The following ACO1 variants were observed in gnomAD, a reference collection of about 807,000 sequenced individuals.
ACO1 encodes cytoplasmic aconitate hydratase.
In ACO1, 78 loss-of-function variants were observed where a neutral mutation model predicts 105.1. The observed-to-expected ratio is 0.74, with a 90% confidence interval of 0.62 to 0.90. The LOEUF (loss-of-function observed/expected upper bound fraction) is 0.90. ACO1 is among the 40% of genes least tolerant of loss of function. The probability of loss-of-function intolerance (pLI) is 0.00; values close to 1 mark genes in which losing one functional copy is unlikely to be tolerated. For missense variants in ACO1, 965 were observed against 1,111.1 expected, an observed-to-expected ratio of 0.87 and a Z score of 1.87; for synonymous variants, 364 against 397.4, an observed-to-expected ratio of 0.92 and a Z score of 1.00.
chr9:32,431,657 C>G (rs929881277), intron 14 of ACO1, 62 bp from the exon 15 acceptor site: 2 of 1,586,286 alleles, frequency 1.3e-6, no homozygotes, highest in African/African-American at 2.7e-5. Flanking sequence ...AGGCTTGACT[C>G]TGTATAATCA....
intron 1 of ACO1, among the ~76,000 whole-genome samples, chr9:32,384,942 G>C (rs935375343): frequency 6.6e-6 from 1 of 152,232 alleles, no homozygotes; most frequent in Admixed American, 6.5e-5. Context: ...TCTATGTCAT[G>C]CCGGGGAGAG....
intron 1 of ACO1, among the ~76,000 whole-genome samples, chr9:32,396,784 C>T (rs983914085): frequency 6.6e-5 from 10 of 152,146 alleles, no homozygotes; most frequent in African/African-American, 2.4e-4. Context: ...CTGTTGTTCC[C>T]TGATGTATCA....
chr9:32,415,034 A>C (rs1821818783), intron 4 of ACO1, among the ~76,000 whole-genome samples: 1 of 152,028 alleles, frequency 6.6e-6, no homozygotes, highest in African/African-American at 2.4e-5. Context: ...CTGTTTACCA[A>C]GGAGAGAAGA....
chr9:32,414,563 A>G (rs763112299), intron 4 of ACO1, among the ~76,000 whole-genome samples: 8 of 152,200 alleles, frequency 5.3e-5, no homozygotes, highest in Non-Finnish European at 8.8e-5. Flanking sequence ...TCCTATGAAC[A>G]TGTCACTTCC....
Position 32,451,766 on chromosome 9 carries a change from A to G in ACO1, c.*1655A>G, listed in dbSNP as rs1456968324. ...TCTTATTTATATTCATTTAAAAAAT[A>G]AATTACAAACAAACAGCCAGGCGCA... is the stretch of plus-strand genomic sequence containing the variant. On this transcript the variant is annotated 3_prime_UTR_variant, in exon 21 of 21. Coordinates refer to ENST00000309951, the MANE Select transcript of ACO1 (RefSeq NM_002197.3). 1 of 152,220 alleles carries G rather than the reference A, an allele frequency of 6.6e-6. No homozygotes were observed. The highest frequency in any genetic ancestry group is 1.5e-5 in the Non-Finnish European group (1 of 68,048). The allele number at this position is 152,220 out of a possible 1,614,324, so 9.4% of individuals were successfully genotyped here.
rs1822834097 is a variant in ACO1, at chr9:32,454,415, G to A, written c.*4304G>A. ...ATGTTGGGATGACTCTTCATTTCAG[G>A]GTGAAAATATCACAGCATCAGCACA... On this transcript the variant is annotated 3_prime_UTR_variant, in exon 21 of 21. Coordinates refer to ENST00000309951, the MANE Select transcript of ACO1 (RefSeq NM_002197.3). 6.6e-6 allele frequency: 1 copy of A among 151,984 alleles called. No homozygotes were observed. The highest frequency in any genetic ancestry group is 1.5e-5 in the Non-Finnish European group (1 of 67,994). The allele number at this position is 151,984 out of a possible 1,614,324, so 9.4% of individuals were successfully genotyped here.
intron 16 of ACO1, 94 bp downstream of exon 16, chr9:32,433,926 C>G: frequency 1.9e-6 from 2 of 1,028,436 alleles, no homozygotes; most frequent in Non-Finnish European, 2.8e-6. Flanking sequence ...GCTTTGACTA[C>G]CCATTTTATT....
Position 32,418,111 on chromosome 9 carries a change from A to G in ACO1, c.405-17A>G, listed in dbSNP as rs764307499. On this transcript the variant is annotated splice_polypyrimidine_tract_variant and intron_variant, in intron 4 of 20. Transcript: ENST00000309951. ...TTAAGTCTCAAATTGTATACATTTA[A>G]TTTTTCTCTCTGACAGGGCAGACAG... The G allele has an allele frequency of 3.1e-6, 5 of 1,612,428 alleles. No homozygotes were observed. The Admixed American group carries it at 5.0e-5, about 16-fold the overall frequency.
At chr9:32,419,396 T>C (rs1390764880) in intron 7 of ACO1, among the ~76,000 whole-genome samples, 1 of 152,266 alleles carries the variant, frequency 6.6e-6, no homozygotes, top group East Asian at 1.9e-4. Context: ...TCGATCTTTT[T>C]CTTAAAGGAA....
intron 9 of ACO1, 119 bp downstream of exon 9, chr9:32,423,538 G>C (rs1038588929): frequency 6.5e-5 from 48 of 733,832 alleles, no homozygotes; most frequent in Non-Finnish European, 5.4e-5. Context: ...GGCATTACAA[G>C]AGAACGGAGT....
intron 17 of ACO1, 85 bp downstream of exon 17, chr9:32,434,786 C>T (rs1242112115): frequency 6.6e-7 from 1 of 1,506,154 alleles, no homozygotes; most frequent in Non-Finnish European, 9.1e-7. Flanking sequence ...TTCACCTGGC[C>T]CTTTGGAATG....
In ACO1 at chr9:32,444,297, G is replaced by A. The variant is rs563092237; in HGVS notation, c.2370+3710G>A. 1.2e-4 allele frequency among the ~76,000 whole-genome samples: 18 copies of A among 152,258 alleles called. No homozygotes were observed. In the South Asian group the frequency reaches 2.7e-3, roughly 23 times the overall value. On this transcript the variant is annotated intron_variant, in intron 19 of 20. Transcript: ENST00000309951. ...CCACAATAAACATACGTGTGCATGC[G>A]TCTTTATAGTACAATGATTTATAAT...
In ACO1 at chr9:32,412,588, C is replaced by G. The variant is rs1452096055; in HGVS notation, c.404+3937C>G. Among the ~76,000 whole-genome samples the G allele has an allele frequency of 2.0e-5, 3 of 152,080 alleles. No homozygotes were observed. In the East Asian group the frequency reaches 5.8e-4, roughly 29 times the overall value. ...AGGATAAAGAGAAATCTACTTTGTC[C>G]CCTGAATTGATGGTACTTGGAACAG... On this transcript the variant is annotated intron_variant, in intron 4 of 20. Transcript: ENST00000309951.
chr9:32,448,705 A>G (rs138818066), intron 19 of ACO1, among the ~76,000 whole-genome samples, 191 bp from the exon 20 acceptor site: 2,378 of 152,214 alleles, frequency 0.016, 57 homozygotes, highest in African/African-American at 0.055. Context: ...ACCAGTCCCA[A>G]TGAGATGAAC....
intron 4 of ACO1, among the ~76,000 whole-genome samples, chr9:32,416,635 CTCAGAG>C (rs1441087268): frequency 6.6e-6 from 1 of 152,184 alleles, no homozygotes; most frequent in African/African-American, 2.4e-5. Context: ...TTTCACCAGA[CTCAGAG>C]TGCCAGTGGG....
At chr9:32,389,494 G>A (rs954278221) in intron 1 of ACO1, among the ~76,000 whole-genome samples, 2 of 152,090 alleles carry the variant, frequency 1.3e-5, no homozygotes, top group East Asian at 3.9e-4. Flanking sequence ...CTCCCAGTGA[G>A]AAATGTGAGG....
At chr9:32,440,623 C>A in intron 19 of ACO1, 36 bp downstream of exon 19, 1 of 1,607,272 alleles carries the variant, frequency 6.2e-7, no homozygotes, top group Non-Finnish European at 8.5e-7. Flanking sequence ...AGGCAGCTCC[C>A]CTCTGAACTG....
At chr9:32,424,697 T>C (rs1363459769) in intron 10 of ACO1, 32 bp downstream of exon 10, 1 of 1,433,906 alleles carries the variant, frequency 7.0e-7, no homozygotes, top group African/African-American at 1.4e-5. Flanking sequence ...TTGAATCCTC[T>C]CAACTCTACC....
chr9:32,430,335 T>C (rs533339256), intron 13 of ACO1, 83 bp from the exon 14 acceptor site: 1 of 1,387,996 alleles, frequency 7.2e-7, no homozygotes, highest in Non-Finnish European at 9.8e-7. Context: ...ATCCTTGCGA[T>C]GTGGAAACTC....
Sources: gnomAD v4.1 joint callset for allele counts (sites outside exome capture counted in the v4.1 genomes callset) on GRCh38, gnomAD v4.1.1 for gene constraint, MANE v1.5 for transcripts, NCBI Gene and HGNC (gene_info 2026-07-23, HGNC 2026-07-21) for gene names.